ABCA13: variants seen among roughly 807,000 people sequenced by gnomAD.
ABCA13 encodes the protein ATP binding cassette subfamily A member 13.
Under a neutral mutation model 478.7 loss-of-function variants are expected in ABCA13, and 476 were observed. The ratio of observed to expected loss-of-function variants is 0.99; its 90% CI spans 0.92 to 1.07. The LOEUF is 1.07. ABCA13 is among the 50% of genes least tolerant of loss of function. ABCA13 has a pLI of 0.00. For synonymous variants in ABCA13, 2,252 were observed against 2,158.9 expected, an observed-to-expected ratio of 1.04 and a Z score of -1.20; for missense variants, 6,060 against 5,910.6, an observed-to-expected ratio of 1.03 and a Z score of -0.83.
chr7:48,367,478 G>T (rs1489904690), intron 31 of ABCA13, among the ~76,000 whole-genome samples: 1 of 152,194 alleles, frequency 6.6e-6, no homozygotes, highest in Middle Eastern at 3.2e-3. Context: ...TGGGGGAAAT[G>T]GCAGGCATGG....
rs990405920 is a variant in ABCA13, at chr7:48,201,892, G to C, written c.287+3532G>C. Among the ~76,000 whole-genome samples the C allele has an allele frequency of 4.6e-5, 7 of 152,202 alleles. 1 individual carries two copies. Among genetic ancestry groups the C allele is most frequent in the Admixed American group, 4.6e-4 (7 of 15,280 alleles). The stretch of plus-strand genomic sequence containing the variant: ...AGTTTGTTCCTTCTGATGTTCGGAC[G>C]TGTCCGGAGTTTCTTCCTTCTGGTG... On this transcript the variant is annotated intron_variant, in intron 3 of 61. Transcript: ENST00000435803.
rs1181928034 is a variant in ABCA13, at chr7:48,580,364, G to A, written c.14495G>A (p.Cys4832Tyr). ...AGCTTACGCGGGATTCCAAGGCAGT[G>A]CATCCCTGAGGTAAATCTCCCTGGG... is the stretch of plus-strand genomic sequence containing the variant. ...YCSLRGIPRQ[C>Y]IPEVAGDLIR... The change falls in exon 56 of 62, where the codon TGC becomes TAC. Residue 4832 changes from cysteine to tyrosine, a missense_variant. By Grantham distance (194) the Cys-to-Tyr change is radical (BLOSUM62 -2). Around this residue, in one of 3 missense-constraint regions of ABCA13, gnomAD observed 1,627 missense variants for 1,571.0 expected, o/e 1.04. Coordinates refer to ENST00000435803, the MANE Select transcript of ABCA13 (RefSeq NM_152701.5). 1.9e-6 allele frequency: 3 copies of A among 1,611,978 alleles called. No homozygotes were observed. Among genetic ancestry groups the A allele is most frequent in the Non-Finnish European group, 2.5e-6 (3 of 1,179,008 alleles).
chr7:48,195,717 A>G (rs1284036165), intron 2 of ABCA13, among the ~76,000 whole-genome samples: 1 of 152,218 alleles, frequency 6.6e-6, no homozygotes. Flanking sequence ...CTTCCAGAAC[A>G]TAGGCCTCAA....
At chr7:48,398,850 G>C (rs1817212080) in intron 38 of ABCA13, among the ~76,000 whole-genome samples, 1 of 152,158 alleles carries the variant, frequency 6.6e-6, no homozygotes, top group Admixed American at 6.5e-5. Flanking sequence ...GGAGTGTATG[G>C]AGAGATGGGG....
intron 55 of ABCA13, among the ~76,000 whole-genome samples, chr7:48,557,946 C>T (rs1420678706): frequency 3.3e-5 from 5 of 152,054 alleles, no homozygotes; most frequent in East Asian, 1.9e-4. Flanking sequence ...TTTGCCCTTT[C>T]GAGGCTATTT....
chr7:48,397,707 T>C (rs1161376436), intron 38 of ABCA13, among the ~76,000 whole-genome samples: 1 of 152,172 alleles, frequency 6.6e-6, no homozygotes, highest in Admixed American at 6.5e-5. Context: ...TTGAAATTCG[T>C]GCCTGTGTTT....
intron 1 of ABCA13, among the ~76,000 whole-genome samples, chr7:48,192,092 C>T (rs1035828504): frequency 2.6e-5 from 4 of 152,002 alleles, no homozygotes; most frequent in Admixed American, 2.0e-4. Flanking sequence ...CAAGATTATC[C>T]ACCATAAAAC....
In ABCA13 at chr7:48,580,384, C is replaced by T. The variant is rs1285888179; in HGVS notation, c.14505+10C>T. 5.0e-6 allele frequency: 8 copies of T among 1,608,204 alleles called. No individual in the cohort carries two copies. The highest frequency in any genetic ancestry group is 5.9e-6 in the Non-Finnish European group (7 of 1,177,340). ...GCAGTGCATCCCTGAGGTAAATCTC[C>T]CTGGGGTCTTCTAGATAAAGGGACC... On this transcript the variant is annotated intron_variant, in intron 56 of 61. Transcript: ENST00000435803.
At chr7:48,564,188 G>T (rs1256591343) in intron 55 of ABCA13, among the ~76,000 whole-genome samples, 1 of 151,842 alleles carries the variant, frequency 6.6e-6, no homozygotes, top group Non-Finnish European at 1.5e-5. Flanking sequence ...ACATTGATTT[G>T]GTCCAATGTA....
intron 59 of ABCA13, among the ~76,000 whole-genome samples, chr7:48,636,241 C>G (rs1298203513): frequency 6.6e-6 from 1 of 152,224 alleles, no homozygotes; most frequent in Non-Finnish European, 1.5e-5. Context: ...ATCAATCACT[C>G]TAGCACAACT....
At chr7:48,539,050 A>T (rs776239881) in intron 55 of ABCA13, among the ~76,000 whole-genome samples, 4 of 152,194 alleles carry the variant, frequency 2.6e-5, no homozygotes, top group Non-Finnish European at 4.4e-5. Flanking sequence ...CTTTGGCATG[A>T]CTAAACAGGA....
intron 27 of ABCA13, among the ~76,000 whole-genome samples, chr7:48,327,602 G>A (rs919673155): frequency 6.6e-6 from 1 of 152,170 alleles, no homozygotes; most frequent in Non-Finnish European, 1.5e-5. Flanking sequence ...AATTGTGAAT[G>A]TTTATATTCC....
chr7:48,226,725 G>A (rs1218226665), intron 5 of ABCA13, among the ~76,000 whole-genome samples: 1 of 152,110 alleles, frequency 6.6e-6, no homozygotes, highest in East Asian at 1.9e-4. Context: ...TTCTATTTTT[G>A]CACTTAGCCA....
intron 41 of ABCA13, among the ~76,000 whole-genome samples, chr7:48,417,795 C>T (rs1317827837): frequency 6.6e-6 from 1 of 152,120 alleles, no homozygotes; most frequent in East Asian, 1.9e-4. Context: ...GGAACAGTTT[C>T]ACTGCCCTGA....
intron 33 of ABCA13, among the ~76,000 whole-genome samples, chr7:48,373,231 G>C (rs1026652708): frequency 2.0e-5 from 3 of 152,148 alleles, no homozygotes; most frequent in African/African-American, 7.2e-5. Context: ...AGAGACTTTG[G>C]GGAGGTGTCA....
chr7:48,372,042 A>G (rs1812708278), intron 32 of ABCA13, 126 bp from the exon 33 acceptor site: 1 of 930,654 alleles, frequency 1.1e-6, no homozygotes, highest in Non-Finnish European at 1.6e-6. Flanking sequence ...GGCCCTTCAC[A>G]GGGCTGAATT....
At chr7:48,573,864 G>A (rs553612649) in intron 55 of ABCA13, among the ~76,000 whole-genome samples, 1 of 152,172 alleles carries the variant, frequency 6.6e-6, no homozygotes, top group South Asian at 2.1e-4. Context: ...TCTGATTGCT[G>A]TGGGGAAGGG....
chr7:48,338,339 T>C (rs756931229), intron 28 of ABCA13, 26 bp from the exon 29 acceptor site: 2 of 1,470,688 alleles, frequency 1.4e-6, no homozygotes, highest in Non-Finnish European at 1.9e-6. Context: ...CAATTATTTT[T>C]ATTAAGCTAT....
At chr7:48,519,474 CATT>C (rs2130966602) in intron 52 of ABCA13, among the ~76,000 whole-genome samples, 2 of 152,312 alleles carry the variant, frequency 1.3e-5, no homozygotes, top group South Asian at 4.1e-4. Context: ...TAATCATTTT[CATT>C]GTTACCAAAT....
Sources: allele counts gnomAD v4.1 joint callset (sites outside exome capture counted in the v4.1 genomes callset), GRCh38; gene constraint gnomAD v4.1.1; regional missense constraint gnomAD v4.1.1; transcripts MANE v1.5; gene names NCBI Gene and HGNC (gene_info 2026-07-23, HGNC 2026-07-21).